Variants in HOGA1 observed in about 807,000 individuals in gnomAD.
HOGA1 encodes 4-hydroxy-2-oxoglutarate aldolase, mitochondrial.
HOGA1 carries 30 observed loss-of-function variants against 34.3 expected under a neutral mutation model. The ratio of observed to expected loss-of-function variants is 0.87; its 90% confidence interval spans 0.65 to 1.19. The LOEUF (loss-of-function observed/expected upper bound fraction) is 1.19, where lower values mean the gene tolerates loss of function less well. Among genes scored for constraint, HOGA1 ranks in the 50% most tolerant of loss-of-function variants. HOGA1 has a pLI of 0.00. For synonymous variants in HOGA1, 161 were observed against 174.0 expected (o/e 0.93, Z 0.59); for missense variants, 417 against 436.5 (o/e 0.96, Z 0.40).
At position 97,584,987 on chromosome 10, in the gene HOGA1, C is replaced by T. The variant is rs888278009; in HGVS notation, c.211+73C>T. On this transcript the variant is annotated intron_variant, in intron 1 of 6. Coordinates refer to ENST00000370646, the MANE Select transcript of HOGA1 (RefSeq NM_138413.4). ...TTTAGCCAGAGACCAAGGGAGGGTA[C>T]ACAGGCTCTGTCAAGCTGTCCAGGG... 4.6e-6 allele frequency: 6 copies of T among 1,292,872 alleles called. No individual in the cohort carries two copies. The African/African-American group carries it at 8.8e-5, about 19-fold the overall frequency. The allele number at this position is 1,292,872 out of a possible 1,614,324, so 80.1% of individuals were successfully genotyped here.
At position 97,611,802 on chromosome 10, in the gene HOGA1, G is replaced by C. The variant is rs1266720123; in HGVS notation, c.*143G>C. ...CTCCTTTGCCTGCTGTGGTCCTCCA[G>C]GCAGCCTTTCACAGGCACGCCCATG... On this transcript the variant is annotated 3_prime_UTR_variant, in exon 7 of 7. Transcript: ENST00000370646. 4.9e-6 allele frequency: 5 copies of C among 1,024,964 alleles called. No individual in the cohort carries two copies. Among genetic ancestry groups the C allele is most frequent in the African/African-American group, 1.6e-5 (1 of 62,904 alleles). The allele number at this position is 1,024,964 out of a possible 1,614,324, so 63.5% of individuals were successfully genotyped here.
rs111274695 is a variant in HOGA1 at position 97,584,498 on chromosome 10, C to T, written c.-206C>T. 253 of 573,594 alleles carry T rather than the reference C, an allele frequency of 4.4e-4. 1 individual carries two copies. Among genetic ancestry groups the T allele is most frequent in the African/African-American group, 4.2e-3 (228 of 53,810 alleles). The allele number at this position is 573,594 out of a possible 1,614,324, so 35.5% of individuals were successfully genotyped here. A position where few individuals can be genotyped will look rare whatever the true frequency, so the allele number is the denominator to read the frequency against. ...GGTTGTGGCATCTCTCTAGCTGCTA[C>T]CCAGAAGGAACAGGGCCCCCTGGGG... is the stretch of plus-strand genomic sequence containing the variant. On this transcript the variant is annotated 5_prime_UTR_variant, in exon 1 of 7. Coordinates refer to ENST00000370646, the MANE Select transcript of HOGA1 (RefSeq NM_138413.4).
intron 1 of HOGA1, among the ~76,000 whole-genome samples, chr10:97,595,638 T>C (rs1460940695): frequency 6.6e-6 from 1 of 152,218 alleles, no homozygotes; most frequent in Non-Finnish European, 1.5e-5. Context: ...GAGGCTGCAG[T>C]GAGCCGAGGT....
At chr10:97,608,799 G>A (rs1245199198) in intron 6 of HOGA1, among the ~76,000 whole-genome samples, 3 of 69,548 alleles carry the variant, frequency 4.3e-5, no homozygotes, top group African/African-American at 1.2e-4. Flanking sequence ...GAGTGGGACT[G>A]TTTCAAAAAA....
chr10:97,597,745 C>G (rs990019700), intron 1 of HOGA1, among the ~76,000 whole-genome samples: 9 of 152,020 alleles, frequency 5.9e-5, no homozygotes, highest in Admixed American at 5.9e-4. Context: ...CACCTGGGCC[C>G]AGGAATTCGA....
chr10:97,594,221 G>C lies in HOGA1; in HGVS notation c.212-4554G>C, dbSNP rs1269086769. ...GACAGAGTCTCACTCTGTCACCCAG[G>C]CTACCGATCAGTGGTGCGATCTGGG... On this transcript the variant is annotated intron_variant, in intron 1 of 6. Transcript: ENST00000370646. Among the ~76,000 whole-genome samples the C allele has an allele frequency of 3.0e-5, 4 of 132,826 alleles. No homozygotes were observed. In the East Asian group the frequency reaches 9.4e-4, roughly 31 times the overall value. 87.1% of individuals were successfully genotyped at this position (132,826 alleles called of 152,430 possible). A position where few individuals can be genotyped will look rare whatever the true frequency, so the allele number is the denominator to read the frequency against.
At chr10:97,599,645 C>T (rs748922152) in intron 3 of HOGA1, 35 bp from the exon 4 acceptor site, 12 of 1,612,646 alleles carry the variant, frequency 7.4e-6, no homozygotes, top group Non-Finnish European at 9.3e-6. Context: ...GGGGCGGCTG[C>T]CCTCTCCTGC....
intron 6 of HOGA1, among the ~76,000 whole-genome samples, chr10:97,607,655 T>A (rs763047209): frequency 1.3e-5 from 2 of 152,138 alleles, no homozygotes; most frequent in East Asian, 3.8e-4. Flanking sequence ...TTATATAATG[T>A]CCAGATATAT....
At chr10:97,597,004 A>G (rs1274066223) in intron 1 of HOGA1, among the ~76,000 whole-genome samples, 1 of 152,140 alleles carries the variant, frequency 6.6e-6, no homozygotes, top group African/African-American at 2.4e-5. Flanking sequence ...AGGAAACTCC[A>G]CATCGAATTT....
chr10:97,590,103 T>C, intron 1 of HOGA1: 1 of 1,613,486 alleles, frequency 6.2e-7, no homozygotes, highest in Non-Finnish European at 8.5e-7. Flanking sequence ...AGTGAAGAGG[T>C]CAGCTCCACG....
Position 97,584,732 on chromosome 10 carries a change from T to A in HOGA1, c.29T>A (p.Val10Glu). 1.2e-6 allele frequency: 2 copies of A among 1,611,808 alleles called. No homozygotes were observed. Among genetic ancestry groups the A allele is most frequent in the Non-Finnish European group, 1.7e-6 (2 of 1,178,638 alleles). Residue 10 changes from valine to glutamate, a missense_variant, in exon 1 of 7, where the codon GTG becomes GAG. Val to Glu is a moderately radical substitution (Grantham distance 121, BLOSUM62 -2). Transcript: ENST00000370646. Reference protein sequence around the residue: MLGPQVWSSVRQGLSRSLSR... With the variant: MLGPQVWSSERQGLSRSLSR... ...CTGGGTCCCCAAGTCTGGTCTTCTG[T>A]GAGGCAGGGGCTAAGCAGGAGCTTG...
At position 97,603,163 on chromosome 10, in the gene HOGA1, G is replaced by A. The variant is rs558585527; in HGVS notation, c.834+1173G>A. ...ATTACAGGCACGTGCCACCATACCC[G>A]GATAATTTTTTTGTATTTTTAGTAG... On this transcript the variant is annotated intron_variant, in intron 6 of 6. Coordinates refer to ENST00000370646, the MANE Select transcript of HOGA1 (RefSeq NM_138413.4). This position sits in a 1 kb window ranked among gnomAD's most constrained non-coding sequence, Gnocchi z 4.5. 1.7e-4 allele frequency among the ~76,000 whole-genome samples: 26 copies of A among 151,848 alleles called. No homozygotes were observed. Among genetic ancestry groups the A allele is most frequent in the South Asian group, 2.1e-4 (1 of 4,800 alleles).
At chr10:97,606,128 C>CAAAAAAAAAAA (rs60230634) in intron 6 of HOGA1, among the ~76,000 whole-genome samples, 69 of 94,810 alleles carry the variant, frequency 7.3e-4, no homozygotes, top group African/African-American at 1.9e-3. Flanking sequence ...ACTAAAAATA[C>CAAAAAAAAAAA]AAAAAAAAAA....
intron 1 of HOGA1, among the ~76,000 whole-genome samples, chr10:97,591,331 C>T (rs893035679): frequency 1.3e-5 from 2 of 152,156 alleles, no homozygotes; most frequent in Non-Finnish European, 2.9e-5. Flanking sequence ...CCTGGGGCCC[C>T]TTGGGATCCA....
At chr10:97,605,410 CA>C (rs71007355) in intron 6 of HOGA1, among the ~76,000 whole-genome samples, 15,739 of 142,148 alleles carry the variant, frequency 0.11, 1,406 homozygotes, top group African/African-American at 0.26. Context: ...GATCCTGTCT[CA>C]AAAAAAAAAA....
intron 1 of HOGA1, chr10:97,590,816 G>A (rs370646526): frequency 1.7e-6 from 1 of 586,958 alleles, no homozygotes; most frequent in Non-Finnish European, 3.1e-6. Flanking sequence ...ACACAGCGCA[G>A]GTGAGATAGA....
chr10:97,598,920 T>C lies in HOGA1; in HGVS notation c.340+17T>C. The C allele has an allele frequency of 1.9e-6, 3 of 1,613,354 alleles. No homozygotes were observed. The highest frequency in any genetic ancestry group is 2.5e-6 in the Non-Finnish European group (3 of 1,180,000). ...GATGCGAGTGTGAGCCAGAATGCCC[T>C]GGGCCCTGGGGGTGGGTGGATGTGC... is the stretch of plus-strand genomic sequence containing the variant. On this transcript the variant is annotated intron_variant, in intron 2 of 6. Coordinates refer to ENST00000370646, the MANE Select transcript of HOGA1 (RefSeq NM_138413.4).
intron 1 of HOGA1, among the ~76,000 whole-genome samples, chr10:97,593,373 A>C (rs547096634): frequency 1.2e-4 from 18 of 152,208 alleles, no homozygotes; most frequent in Admixed American, 1.1e-3. Flanking sequence ...GCTACTCGGG[A>C]GGCTGAGACA....
chr10:97,598,743 G>A, intron 1 of HOGA1, 32 bp from the exon 2 acceptor site: 1 of 1,614,014 alleles, frequency 6.2e-7, no homozygotes, highest in Non-Finnish European at 8.5e-7. Context: ...GGTAGAGGAT[G>A]GGAAGGAGTT....
Sources: gnomAD v4.1 joint callset for allele counts (sites outside exome capture counted in the v4.1 genomes callset) on GRCh38, gnomAD v4.1.1 for gene constraint, Gnocchi (gnomAD v3.1) non-coding constraint, MANE v1.5 for transcripts, NCBI Gene and HGNC (gene_info 2026-07-23, HGNC 2026-07-21) for gene names.